The following MRPS21 variants were observed in gnomAD, a reference collection of about 807,000 sequenced individuals.
MRPS21 encodes the protein small ribosomal subunit protein bS21m.
Under a neutral mutation model 9.9 loss-of-function variants are expected in MRPS21, and 8 were observed. That is an observed-to-expected ratio of 0.81 (90% CI 0.47 to 1.45). MRPS21 has a LOEUF of 1.45. Among genes scored for constraint, MRPS21 ranks in the 40% most tolerant of loss-of-function variants. The probability of loss-of-function intolerance (pLI) is 0.00; values close to 1 mark genes in which losing one functional copy is unlikely to be tolerated. For synonymous variants in MRPS21, 40 were observed against 40.3 expected, an observed-to-expected ratio of 0.99 and a Z score of 0.03; for missense variants, 101 against 118.9, an observed-to-expected ratio of 0.85 and a Z score of 0.70.
At chr1:150,297,793 G>T (rs1462650593) in intron 2 of MRPS21, among the ~76,000 whole-genome samples, 1 of 152,122 alleles carries the variant, frequency 6.6e-6, no homozygotes, top group Non-Finnish European at 1.5e-5. Flanking sequence ...GTACCAGGTT[G>T]TAAGGTATCC....
At chr1:150,294,027 G>A (rs1653819078) in intron 1 of MRPS21, 129 bp downstream of exon 1, 1 of 281,010 alleles carries the variant, frequency 3.6e-6, no homozygotes, top group East Asian at 7.9e-5. Flanking sequence ...ACCCCTTTTG[G>A]AACTATGTGT....
intron 2 of MRPS21, among the ~76,000 whole-genome samples, chr1:150,306,419 C>G (rs587761150): frequency 1.2e-4 from 18 of 151,970 alleles, no homozygotes; most frequent in Middle Eastern, 3.4e-3. Context: ...GTGCCCACCA[C>G]TACGCCTGGC....
chr1:150,304,743 G>T (rs587763910), intron 2 of MRPS21: 1 of 145,100 alleles, frequency 6.9e-6, no homozygotes, highest in Non-Finnish European at 1.3e-5. Context: ...GCAACAGAGC[G>T]AGACTCTGTC....
At chr1:150,297,297 A>AG (rs1653950334) in intron 2 of MRPS21, among the ~76,000 whole-genome samples, 1 of 36 alleles carries the variant, frequency 0.028, no homozygotes, top group Non-Finnish European at 0.071. Context: ...TCTACAAAAA[A>AG]AAAAAGAAAA....
intron 2 of MRPS21, chr1:150,304,178 G>C (rs1553858108): frequency 2.6e-6 from 1 of 379,524 alleles, no homozygotes; most frequent in Non-Finnish European, 5.3e-6. Flanking sequence ...AGGTGTGGTG[G>C]TACGCCCCTG....
rs184246791 is a variant in MRPS21 at position 150,303,985 on chromosome 1, G to A, written c.84-4063G>A. 638 of 453,248 alleles carry A rather than the reference G, an allele frequency of 1.4e-3. 2 individuals are homozygous for A. The highest frequency in any genetic ancestry group is 2.0e-3 in the Non-Finnish European group (451 of 224,830). The allele number at this position is 453,248 out of a possible 1,614,324, so 28.1% of individuals were successfully genotyped here. ...TTAGAAAAGACACAACCCAATGAGG[G>A]GTTCAATGTAATACTGTTTGATCAG... On this transcript the variant is annotated intron_variant, in intron 2 of 2. Transcript: ENST00000614145.
intron 2 of MRPS21, among the ~76,000 whole-genome samples, chr1:150,295,276 G>A (rs1300916416): frequency 2.0e-5 from 3 of 152,096 alleles, no homozygotes; most frequent in Non-Finnish European, 2.9e-5. Context: ...GATTACAGGC[G>A]TAAGCCACAG....
At chr1:150,307,921 A>C (rs782790472) in intron 2 of MRPS21, 127 bp from the exon 3 acceptor site, 6 of 939,664 alleles carry the variant, frequency 6.4e-6, no homozygotes, top group Admixed American at 5.9e-5. Flanking sequence ...TTAATGCTCT[A>C]TTGCCACCAT....
intron 2 of MRPS21, among the ~76,000 whole-genome samples, chr1:150,298,749 A>T (rs782575084): frequency 6.6e-6 from 1 of 152,050 alleles, no homozygotes; most frequent in Non-Finnish European, 1.5e-5. Context: ...CTACAGGCGC[A>T]TGCCACTACC....
At chr1:150,294,050 C>T in intron 1 of MRPS21, 152 bp downstream of exon 1, 1 of 338,560 alleles carries the variant, frequency 3.0e-6, no homozygotes, top group Non-Finnish European at 5.8e-6. Flanking sequence ...TGGTTGGGAC[C>T]CTGTGGCGCA....
In MRPS21 at chr1:150,308,148, C is replaced by A; in HGVS notation, c.184C>A (p.Arg62=). ...RQRESYERCR[R]IYNMEMARKI... is the part of the protein sequence containing the mutation. Reference sequence around the variant, plus strand: ...GAGGGAAAGCTATGAAAGGTGCCGGCGGATCTACAACATGGAAATGGCTCG... The same window carrying A: ...GAGGGAAAGCTATGAAAGGTGCCGGAGGATCTACAACATGGAAATGGCTCG... Residue 62 remains arginine (R), a synonymous_variant, in exon 3 of 3, where the codon CGG becomes AGG. Coordinates refer to ENST00000614145, the MANE Select transcript of MRPS21 (RefSeq NM_031901.6). The A allele has an allele frequency of 6.2e-7, 1 of 1,609,968 alleles. No homozygotes were observed.
Position 150,308,186 on chromosome 1 carries a change from C to T in MRPS21, c.222C>T (p.Phe74=), listed in dbSNP as rs781942444. 27 of 1,605,192 alleles carry T rather than the reference C, an allele frequency of 1.7e-5. No individual in the cohort carries two copies. The highest frequency in any genetic ancestry group is 2.2e-5 in the Non-Finnish European group (26 of 1,172,436). Residue 74 remains phenylalanine (F), a synonymous_variant, in exon 3 of 3, where the codon TTC becomes TTT. Coordinates refer to ENST00000614145, the MANE Select transcript of MRPS21 (RefSeq NM_031901.6). ...YNMEMARKIN[F]LMRKNRADPW... Reference sequence around the variant, plus strand: ...TGGAAATGGCTCGCAAGATCAACTTCTTGATGCGAAAGAATCGGGCAGATC... The same window carrying T: ...TGGAAATGGCTCGCAAGATCAACTTTTTGATGCGAAAGAATCGGGCAGATC...
chr1:150,296,098 C>T (rs939271763), intron 2 of MRPS21, among the ~76,000 whole-genome samples: 6 of 152,066 alleles, frequency 3.9e-5, no homozygotes, highest in Non-Finnish European at 7.4e-5. Flanking sequence ...ACTACAGGTG[C>T]CCACCACCAC....
intron 2 of MRPS21, among the ~76,000 whole-genome samples, chr1:150,302,703 T>G (rs1398298078): frequency 2.0e-5 from 3 of 152,178 alleles, no homozygotes; most frequent in Admixed American, 6.5e-5. Context: ...TTGAACTACT[T>G]TTGGAAGCAG....
At chr1:150,296,177 T>C (rs1653909727) in intron 2 of MRPS21, among the ~76,000 whole-genome samples, 1 of 152,140 alleles carries the variant, frequency 6.6e-6, no homozygotes, top group Non-Finnish European at 1.5e-5. Context: ...CTCAATCTCT[T>C]GACCTCGTGA....
intron 2 of MRPS21, among the ~76,000 whole-genome samples, 177 bp from the exon 3 acceptor site, chr1:150,307,871 C>G (rs1156911550): frequency 1.3e-5 from 2 of 152,162 alleles, no homozygotes; most frequent in Non-Finnish European, 2.9e-5. Context: ...CCACTGCACC[C>G]GGCCCACAGA....
rs143827409 is a variant in MRPS21, at chr1:150,308,202, C to T, written c.238C>T (p.Arg80Trp). ...GATCAACTTCTTGATGCGAAAGAAT[C>T]GGGCAGATCCGTGGCAGGGCTGCTG... ...RKINFLMRKNRADPWQGC is the reference protein window; with the variant it reads ...RKINFLMRKNWADPWQGC The change falls in exon 3 of 3, where the codon CGG (arginine) becomes TGG (tryptophan). Residue 80 changes from arginine (R) to tryptophan (W), a missense_variant. Physicochemically the swap from Arg to Trp is moderately radical, Grantham distance 101. Transcript: ENST00000614145. 3.4e-5 allele frequency: 55 copies of T among 1,599,618 alleles called. No homozygotes were observed. Among genetic ancestry groups the T allele is most frequent in the East Asian group, 6.8e-5 (3 of 44,374 alleles).
At chr1:150,294,069 G>T (rs998850330) in intron 1 of MRPS21, 171 bp downstream of exon 1, 14 of 343,606 alleles carry the variant, frequency 4.1e-5, no homozygotes, top group Non-Finnish European at 7.4e-5. Flanking sequence ...CATCCTTGTC[G>T]CTCGTGTCCT....
intron 2 of MRPS21, among the ~76,000 whole-genome samples, chr1:150,298,198 G>T (rs1037615520): frequency 1.4e-4 from 21 of 152,320 alleles, no homozygotes; most frequent in African/African-American, 4.3e-4. Flanking sequence ...CTCCCAAAGT[G>T]CTGGGATTAC....
Sources: allele counts gnomAD v4.1 joint callset (sites outside exome capture counted in the v4.1 genomes callset), GRCh38; gene constraint gnomAD v4.1.1; transcripts MANE v1.5; gene names NCBI Gene and HGNC (gene_info 2026-07-23, HGNC 2026-07-21).